The following HGD variants were observed in gnomAD, a reference collection of about 807,000 sequenced individuals.
HGD encodes homogentisate 1,2-dioxygenase.
Under a neutral mutation model 60.8 loss-of-function variants are expected in HGD, and 61 were observed. The ratio of observed to expected loss-of-function variants is 1.00; its 90% CI spans 0.82 to 1.24. The LOEUF is 1.24. HGD is among the 50% of genes most tolerant of loss of function. The pLI is 0.00. For synonymous variants in HGD, 212 were observed against 187.7 expected, an observed-to-expected ratio of 1.13 and a Z score of -1.06; for missense variants, 542 against 547.1, an observed-to-expected ratio of 0.99 and a Z score of 0.09.
chr3:120,652,899 G>A (rs1941386834), intron 4 of HGD, among the ~76,000 whole-genome samples: 1 of 152,174 alleles, frequency 6.6e-6, no homozygotes, highest in African/African-American at 2.4e-5. Context: ...AACTGCTTTT[G>A]TTCCTTAGCA....
chr3:120,659,676 T>C (rs1941600638), intron 4 of HGD, among the ~76,000 whole-genome samples: 1 of 152,228 alleles, frequency 6.6e-6, no homozygotes, highest in Non-Finnish European at 1.5e-5. Flanking sequence ...CCAAAGTCAC[T>C]TCCACATTTT....
intron 11 of HGD, among the ~76,000 whole-genome samples, chr3:120,639,748 A>G (rs1373740952): frequency 1.3e-5 from 2 of 152,196 alleles, no homozygotes; most frequent in African/African-American, 4.8e-5. Context: ...AAGTCTGAGA[A>G]GTGGTTCATT....
chr3:120,678,397 T>G (rs1308465469), intron 1 of HGD, among the ~76,000 whole-genome samples: 1 of 152,194 alleles, frequency 6.6e-6, no homozygotes. Flanking sequence ...TGCCGCATTG[T>G]TTCTCTCTGC....
chr3:120,657,855 A>AAG (rs1191019099), intron 4 of HGD, among the ~76,000 whole-genome samples: 2 of 151,118 alleles, frequency 1.3e-5, no homozygotes, highest in Non-Finnish European at 3.0e-5. Context: ...GAGAGAAAGA[A>AAG]AGAGAGAGAG....
At chr3:120,653,502 C>A (rs965913162) in intron 4 of HGD, among the ~76,000 whole-genome samples, 2 of 152,124 alleles carry the variant, frequency 1.3e-5, no homozygotes, top group Admixed American at 1.3e-4. Flanking sequence ...TCATAGGGCT[C>A]AGCTCATTCT....
chr3:120,666,195 C>T (rs1298331316), intron 4 of HGD, among the ~76,000 whole-genome samples: 1 of 152,154 alleles, frequency 6.6e-6, no homozygotes, highest in Non-Finnish European at 1.5e-5. Context: ...TTCACAGAGA[C>T]ACTGAGACGC....
intron 4 of HGD, among the ~76,000 whole-genome samples, chr3:120,655,291 G>A (rs1278890460): frequency 6.6e-6 from 1 of 152,168 alleles, no homozygotes; most frequent in African/African-American, 2.4e-5. Context: ...GAGAGCCTGA[G>A]GTGGTGGAAG....
chr3:120,670,727 C>T (rs1708008485), intron 3 of HGD, among the ~76,000 whole-genome samples, 195 bp from the exon 4 acceptor site: 1 of 152,220 alleles, frequency 6.6e-6, no homozygotes, highest in South Asian at 2.1e-4. Context: ...GGCCTCTTCT[C>T]ACTTTTTCAT....
chr3:120,648,238 C>T lies in HGD; in HGVS notation c.435-327G>A, dbSNP rs542252904. ...AGAAGGGACACATTTGACCGGATAT[C>T]TGAAGGTGTTATCTAGGTGAGGGTT... On this transcript the variant is annotated intron_variant, in intron 6 of 13. Coordinates refer to ENST00000283871, the MANE Select transcript of HGD (RefSeq NM_000187.4). Among the ~76,000 whole-genome samples, 7 of 152,284 alleles carry T rather than the reference C, an allele frequency of 4.6e-5. No individual in the cohort carries two copies. In the South Asian group the frequency reaches 1.5e-3, roughly 32 times the overall value.
intron 12 of HGD, among the ~76,000 whole-genome samples, chr3:120,637,213 C>T (rs1334020282): frequency 6.6e-6 from 1 of 150,570 alleles, no homozygotes; most frequent in Non-Finnish European, 1.5e-5. Flanking sequence ...GCTCTGGTAT[C>T]AGACAGCCTG....
chr3:120,665,716 T>C (rs532815726), intron 4 of HGD, among the ~76,000 whole-genome samples: 1 of 152,334 alleles, frequency 6.6e-6, no homozygotes, highest in South Asian at 2.1e-4. Flanking sequence ...GATGATCACA[T>C]ATTGCAAGAT....
At chr3:120,666,785 T>C (rs1707908792) in intron 4 of HGD, among the ~76,000 whole-genome samples, 1 of 152,134 alleles carries the variant, frequency 6.6e-6, no homozygotes, top group Non-Finnish European at 1.5e-5. Flanking sequence ...GTGCTGGGAT[T>C]ACAGGCATGA....
At chr3:120,634,907 T>C (rs1429253511) in intron 12 of HGD, among the ~76,000 whole-genome samples, 3 of 152,342 alleles carry the variant, frequency 2.0e-5, no homozygotes, top group African/African-American at 7.2e-5. Flanking sequence ...CTTGTTTCTC[T>C]ATGAAGTGGA....
intron 12 of HGD, among the ~76,000 whole-genome samples, chr3:120,638,073 T>TCA (rs1940839501): frequency 6.6e-6 from 1 of 152,206 alleles, no homozygotes; most frequent in Non-Finnish European, 1.5e-5. Flanking sequence ...CTCCTTTCTC[T>TCA]TGCTTGCTCT....
intron 1 of HGD, among the ~76,000 whole-genome samples, chr3:120,679,750 T>C (rs1209311550): frequency 6.6e-6 from 1 of 152,112 alleles, no homozygotes; most frequent in Non-Finnish European, 1.5e-5. Context: ...GTGGGTAGCC[T>C]CTAGAAGAGG....
intron 1 of HGD, among the ~76,000 whole-genome samples, chr3:120,681,267 G>T (rs753726885): frequency 1.3e-5 from 2 of 152,238 alleles, no homozygotes; most frequent in Non-Finnish European, 2.9e-5. Flanking sequence ...GGGCAGTTCT[G>T]TTCAGTTACA....
At chr3:120,658,326 A>C (rs773218028) in intron 4 of HGD, among the ~76,000 whole-genome samples, 2 of 152,256 alleles carry the variant, frequency 1.3e-5, no homozygotes, top group African/African-American at 2.4e-5. Context: ...GAAATTGGCC[A>C]GAACAAAGGG....
chr3:120,643,718 C>A (rs1199429959), intron 10 of HGD, among the ~76,000 whole-genome samples: 2 of 151,980 alleles, frequency 1.3e-5, no homozygotes, highest in African/African-American at 4.8e-5. Flanking sequence ...TTATTTTATT[C>A]TAATATATAT....
intron 4 of HGD, among the ~76,000 whole-genome samples, chr3:120,660,615 A>G (rs1029980330): frequency 2.6e-5 from 4 of 152,214 alleles, no homozygotes; most frequent in African/African-American, 9.6e-5. Context: ...ACCTGAGATG[A>G]GGAGTTCGAG....
Sources: allele counts gnomAD v4.1 joint callset (sites outside exome capture counted in the v4.1 genomes callset), GRCh38; gene constraint gnomAD v4.1.1; transcripts MANE v1.5; gene names NCBI Gene and HGNC (gene_info 2026-07-23, HGNC 2026-07-21).